Variants in GPR4 observed in about 807,000 individuals in gnomAD.
The protein encoded by GPR4 is G-prodeshotein coupled receptor 4.
A neutral mutation model predicts 17.8 loss-of-function variants in GPR4; 11 were observed. The observed-to-expected ratio is 0.62, with a 90% confidence interval of 0.39 to 1.02. The LOEUF (loss-of-function observed/expected upper bound fraction) is 1.02. Among genes scored for constraint, GPR4 ranks in the 50% least tolerant of loss-of-function variants. GPR4 has a pLI of 0.00. For synonymous variants in GPR4, 219 were observed against 222.8 expected, an observed-to-expected ratio of 0.98 and a Z score of 0.15; for missense variants, 364 against 495.4, an observed-to-expected ratio of 0.73 and a Z score of 2.52.
chr19:45,591,696 C>T lies in GPR4; in HGVS notation c.171G>A (p.Met57Ile). Reference sequence around the variant, plus strand: ...ACAGCAGGTCGGCGATGCTGAGGTTCATCAGGTAGACGCCCAGCTCGTTGC... The same window carrying T: ...ACAGCAGGTCGGCGATGCTGAGGTTTATCAGGTAGACGCCCAGCTCGTTGC... ...QQRNELGVYL[M>I]NLSIADLLYI... The change falls in exon 2 of 2, where the codon ATG (methionine) becomes ATA (isoleucine). Residue 57 changes from methionine (M) to isoleucine (I), a missense_variant. Physicochemically the swap from Met to Ile is conservative, Grantham distance 10. This residue lies in a region of GPR4 where 271 missense variants were observed against 373.1 expected (regional missense o/e 0.73). Transcript: ENST00000323040. The surrounding 1 kb of genome is among the most constrained non-coding windows in gnomAD (Gnocchi z 7.6). 6.2e-7 allele frequency: 1 copy of T among 1,614,012 alleles called. No individual in the cohort carries two copies. The highest frequency in any genetic ancestry group is 1.3e-5 in the African/African-American group (1 of 75,068).
At chr19:45,596,732 A>G (rs937803099) in intron 1 of GPR4, among the ~76,000 whole-genome samples, 2 of 151,612 alleles carry the variant, frequency 1.3e-5, no homozygotes, top group African/African-American at 4.8e-5. Context: ...TTTTGTGGAG[A>G]TGGGGTTTCC....
Position 45,591,144 on chromosome 19 carries a change from G to T in GPR4, c.723C>A (p.His241Gln). 1 of 1,613,718 alleles carries T rather than the reference G, an allele frequency of 6.2e-7. No individual in the cohort carries two copies. Among genetic ancestry groups the T allele is most frequent in the Non-Finnish European group, 8.5e-7 (1 of 1,180,002 alleles). Residue 241 changes from histidine (H) to glutamine (Q), a missense_variant, in exon 2 of 2, where the codon CAC (histidine) becomes CAA (glutamine). This residue lies in a region of GPR4 where 271 missense variants were observed against 373.1 expected (regional missense o/e 0.73). Coordinates refer to ENST00000323040, the MANE Select transcript of GPR4 (RefSeq NM_005282.3). This position sits in a 1 kb window ranked among gnomAD's most constrained non-coding sequence, Gnocchi z 7.6. ...TGGCGCTGCGGGACAGCAAGAGCAC[G>T]TGATAGGGCGCAAAGCAGACCAGCA... ...AIVLVCFAPY[H>Q]VLLLSRSAIY...
At chr19:45,594,421 C>CA (rs11284570) in intron 1 of GPR4, among the ~76,000 whole-genome samples, 6,021 of 75,546 alleles carry the variant, frequency 0.08, 410 homozygotes, top group African/African-American at 0.19. Context: ...GACTCCGTCT[C>CA]AAAAAAAAAA....
chr19:45,602,111 G>A lies in GPR4; in HGVS notation c.-848C>T, dbSNP rs1809420820. On this transcript the variant is annotated 5_prime_UTR_variant, in exon 1 of 2. Transcript: ENST00000323040. ...GGCACTTACCTGCGCGCGGCGACTG[G>A]ACGGGGCGGGCGGCGGCACCTCTCT... 1.3e-5 allele frequency: 2 copies of A among 152,390 alleles called. No individual in the cohort carries two copies. The highest frequency in any genetic ancestry group is 2.9e-5 in the Non-Finnish European group (2 of 68,202). 9.4% of individuals were successfully genotyped at this position (152,390 alleles called of 1,614,324 possible).
At chr19:45,593,155 A>C (rs1340664928) in intron 1 of GPR4, among the ~76,000 whole-genome samples, 1 of 145,068 alleles carries the variant, frequency 6.9e-6, no homozygotes, top group Non-Finnish European at 1.5e-5. Flanking sequence ...CTATAATCAC[A>C]CCACGGCACT....
intron 1 of GPR4, among the ~76,000 whole-genome samples, chr19:45,593,952 T>A (rs1312821866): frequency 6.8e-6 from 1 of 147,228 alleles, no homozygotes; most frequent in Non-Finnish European, 1.5e-5. Context: ...CGATCACAGC[T>A]CACAGCAGCC....
rs1969990641 is a variant in GPR4, at chr19:45,591,275, G to A, written c.592C>T (p.Leu198=). ...CGCAGGATGCCCCGGTACGACAGCA[G>A]CATGAGCGCCCACGGGAAGAGGAAG... ...VGFLFPWALM[L]LSYRGILRAV... Residue 198 remains leucine (L), a synonymous_variant, in exon 2 of 2, where the codon CTG becomes TTG. Transcript: ENST00000323040. This position sits in a 1 kb window ranked among gnomAD's most constrained non-coding sequence, Gnocchi z 7.6. The A allele has an allele frequency of 3.1e-6, 5 of 1,612,980 alleles. No homozygotes were observed. The highest frequency in any genetic ancestry group is 1.3e-5 in the African/African-American group (1 of 74,940).
chr19:45,595,747 T>C (rs1265052634), intron 1 of GPR4, among the ~76,000 whole-genome samples: 2 of 149,042 alleles, frequency 1.3e-5, no homozygotes, highest in African/African-American at 2.4e-5. Context: ...TTTTTTTTTT[T>C]TCCCCCAACA....
rs548131284 is a variant in GPR4, at chr19:45,592,555, G to C, written c.-689C>G. On this transcript the variant is annotated 5_prime_UTR_variant, in exon 2 of 2. Transcript: ENST00000323040. ...CGGCAGGAAGGAGTCTTAGGAAACAGGAAGGAGGTGAGTAAGGTCTAGATC... is the reference window on the plus strand; with the variant it reads ...CGGCAGGAAGGAGTCTTAGGAAACACGAAGGAGGTGAGTAAGGTCTAGATC... 1.2e-5 allele frequency: 2 copies of C among 167,474 alleles called. No individual in the cohort carries two copies. Among genetic ancestry groups the C allele is most frequent in the South Asian group, 4.1e-4 (2 of 4,838 alleles). 10.4% of individuals were successfully genotyped at this position (167,474 alleles called of 1,614,324 possible). A position where few individuals can be genotyped will look rare whatever the true frequency, so the allele number is the denominator to read the frequency against.
chr19:45,592,059 A>G lies in GPR4; in HGVS notation c.-193T>C. 2 of 526,746 alleles carry G rather than the reference A, an allele frequency of 3.8e-6. No individual in the cohort carries two copies. Among genetic ancestry groups the G allele is most frequent in the East Asian group, 3.3e-5 (1 of 30,396 alleles). The allele number at this position is 526,746 out of a possible 1,614,324, so 32.6% of individuals were successfully genotyped here. A position where few individuals can be genotyped will look rare whatever the true frequency, so the allele number is the denominator to read the frequency against. ...TGGGAAGGGCAGAGCTTGAGAGGGA[A>G]AAGTTGGAGGAGGGATGGAATTATG... On this transcript the variant is annotated 5_prime_UTR_variant, in exon 2 of 2. Transcript: ENST00000323040.
chr19:45,594,560 T>C (rs887631778), intron 1 of GPR4, among the ~76,000 whole-genome samples: 1 of 152,138 alleles, frequency 6.6e-6, no homozygotes, highest in East Asian at 1.9e-4. Flanking sequence ...AGGAAAGTAG[T>C]TGTTCTTTCT....
intron 1 of GPR4, among the ~76,000 whole-genome samples, chr19:45,594,399 G>A (rs1157464305): frequency 7.0e-6 from 1 of 141,926 alleles, no homozygotes; most frequent in Admixed American, 7.2e-5. Context: ...TCCAGCGGGG[G>A]TGACAGAGCC....
In GPR4 at chr19:45,591,416, C is replaced by T. The variant is rs781390832; in HGVS notation, c.451G>A (p.Ala151Thr). The change falls in exon 2 of 2, where the codon GCG becomes ACG. Residue 151 changes from alanine to threonine, a missense_variant. Physicochemically the swap from Ala to Thr is moderately conservative, Grantham distance 58. Around this residue, in one of 3 missense-constraint regions of GPR4, gnomAD observed 271 missense variants for 373.1 expected, o/e 0.73. Coordinates refer to ENST00000323040, the MANE Select transcript of GPR4 (RefSeq NM_005282.3). The surrounding 1 kb of genome is among the most constrained non-coding windows in gnomAD (Gnocchi z 7.6). ...AAGAGCTCGTCATGGAACAGGGGCGCCGAGTTGGCGCCCAGCTCCGTGGCC... is the reference window on the plus strand; with the variant it reads ...AAGAGCTCGTCATGGAACAGGGGCGTCGAGTTGGCGCCCAGCTCCGTGGCC... ...VWATELGANS[A>T]PLFHDELFRD... 15 of 1,607,216 alleles carry T rather than the reference C, an allele frequency of 9.3e-6. No homozygotes were observed. Among genetic ancestry groups the T allele is most frequent in the African/African-American group, 1.3e-5 (1 of 74,096 alleles).
chr19:45,593,282 C>T lies in GPR4; in HGVS notation c.-831-585G>A, dbSNP rs193293215. On this transcript the variant is annotated intron_variant, in intron 1 of 1. Transcript: ENST00000323040. ...TTGGGAGGCCGAGGCAGGCAGATCA[C>T]GAGGTCAGGAGTTCAAGAACAGCCT... Among the ~76,000 whole-genome samples the T allele has an allele frequency of 4.8e-3, 725 of 149,694 alleles. 3 individuals carry two copies. The highest frequency in any genetic ancestry group is 0.017 in the African/African-American group (682 of 40,642).
intron 1 of GPR4, among the ~76,000 whole-genome samples, chr19:45,601,675 A>G (rs1970113505): frequency 6.6e-6 from 1 of 151,996 alleles, no homozygotes; most frequent in African/African-American, 2.4e-5. Context: ...GAAGGGAGAG[A>G]GCAAAGAGAT....
At chr19:45,595,066 C>T (rs948125694) in intron 1 of GPR4, among the ~76,000 whole-genome samples, 2 of 152,004 alleles carry the variant, frequency 1.3e-5, no homozygotes, top group Admixed American at 6.6e-5. Context: ...CACCTGAGGT[C>T]GGGAGTTCGA....
Position 45,589,903 on chromosome 19 carries a change from A to C in GPR4, c.*875T>G, listed in dbSNP as rs1416915264. On this transcript the variant is annotated 3_prime_UTR_variant, in exon 2 of 2. Transcript: ENST00000323040. ...GCCCTACATAAACCTCTGTTGAATG[A>C]ATGAATAAATACCCTTTCTTCTTGT... 6.6e-6 allele frequency: 1 copy of C among 152,364 alleles called. No homozygotes were observed. The highest frequency in any genetic ancestry group is 1.5e-5 in the Non-Finnish European group (1 of 68,136). 9.4% of individuals were successfully genotyped at this position (152,364 alleles called of 1,614,324 possible). A position where few individuals can be genotyped will look rare whatever the true frequency, so the allele number is the denominator to read the frequency against.
At chr19:45,601,687 C>T (rs1970113571) in intron 1 of GPR4, among the ~76,000 whole-genome samples, 1 of 151,976 alleles carries the variant, frequency 6.6e-6, no homozygotes, top group Non-Finnish European at 1.5e-5. Context: ...CAAAGAGATA[C>T]ACAGAGACAG....
At chr19:45,595,618 C>A (rs530488666) in intron 1 of GPR4, among the ~76,000 whole-genome samples, 1 of 152,306 alleles carries the variant, frequency 6.6e-6, no homozygotes, top group Non-Finnish European at 1.5e-5. Context: ...ATGGACCAAG[C>A]CCCTGACTAT....
Sources: gnomAD v4.1 joint callset for allele counts (sites outside exome capture counted in the v4.1 genomes callset) on GRCh38, gnomAD v4.1.1 for gene constraint, gnomAD v4.1.1 regional missense constraint, Gnocchi (gnomAD v3.1) non-coding constraint, MANE v1.5 for transcripts, NCBI Gene and HGNC (gene_info 2026-07-23, HGNC 2026-07-21) for gene names.